Variants in ADGRL2 observed in about 807,000 individuals in gnomAD.
ADGRL2 encodes adhesion G protein-coupled receptor L2.
Under a neutral mutation model 157.4 loss-of-function variants are expected in ADGRL2, and 44 were observed. The ratio of observed to expected loss-of-function variants is 0.28; its 90% confidence interval spans 0.22 to 0.36. The LOEUF (loss-of-function observed/expected upper bound fraction) is 0.36, where lower values mean the gene tolerates loss of function less well. Among genes scored for constraint, ADGRL2 ranks in the 10% least tolerant of loss-of-function variants. The probability of loss-of-function intolerance (pLI) is 1.00; values close to 1 mark genes in which losing one functional copy is unlikely to be tolerated. For synonymous variants in ADGRL2, 585 were observed against 624.7 expected (o/e 0.94, Z 0.95); for missense variants, 1,510 against 1,768.9 (o/e 0.85, Z 2.63).
chr1:81,463,322 T>G (rs890037363), intron 2 of ADGRL2, among the ~76,000 whole-genome samples: 1 of 151,836 alleles, frequency 6.6e-6, no homozygotes, highest in Non-Finnish European at 1.5e-5. Context: ...TAGACATAAA[T>G]TTTTTGACAT....
intron 1 of ADGRL2, among the ~76,000 whole-genome samples, chr1:81,829,174 A>G (rs1349673468): frequency 2.0e-5 from 3 of 152,152 alleles, no homozygotes; most frequent in Admixed American, 1.3e-4. Context: ...GGCCTCCCAA[A>G]GTGCTGAGAT....
chr1:81,636,338 TTAA>T (rs1352885820), intron 3 of ADGRL2, among the ~76,000 whole-genome samples: 2 of 152,198 alleles, frequency 1.3e-5, no homozygotes, highest in Non-Finnish European at 2.9e-5. Flanking sequence ...CATTTACTTT[TTAA>T]TAATTAAATT....
At position 81,789,755 on chromosome 1, in the gene ADGRL2, C is replaced by T. The variant is rs572586832; in HGVS notation, c.-101+27903C>T. Among the ~76,000 whole-genome samples the T allele has an allele frequency of 9.4e-5, 13 of 138,740 alleles. No homozygotes were observed. In the East Asian group the frequency reaches 2.5e-3, roughly 27 times the overall value. The allele number at this position is 138,740 out of a possible 152,430, so 91.0% of individuals were successfully genotyped here. A position where few individuals can be genotyped will look rare whatever the true frequency, so the allele number is the denominator to read the frequency against. On this transcript the variant is annotated intron_variant, in intron 2 of 20. Coordinates refer to the ADGRL2 transcript ENST00000359929. ...AAACAGGAATGTAAACAAAAAGAAA[C>T]AGCATTTCAGGTGTCAGCAAAAAAT...
At chr1:81,849,397 A>C (rs1013839076) in intron 2 of ADGRL2, among the ~76,000 whole-genome samples, 2 of 151,934 alleles carry the variant, frequency 1.3e-5, no homozygotes, top group African/African-American at 4.8e-5. Flanking sequence ...GCAGCTGACT[A>C]TTTGAATTAA....
chr1:81,317,528 G>A (rs1242212243), intron 1 of ADGRL2, among the ~76,000 whole-genome samples: 1 of 152,138 alleles, frequency 6.6e-6, no homozygotes, highest in Non-Finnish European at 1.5e-5. Flanking sequence ...GTTGTATGTT[G>A]TATCACTAAC....
chr1:81,675,919 G>T (rs1414353860), intron 3 of ADGRL2, among the ~76,000 whole-genome samples: 2 of 151,988 alleles, frequency 1.3e-5, no homozygotes, highest in Non-Finnish European at 2.9e-5. Flanking sequence ...GCAAAATGAA[G>T]GTTTTAAATT....
intron 1 of ADGRL2, among the ~76,000 whole-genome samples, chr1:81,343,799 A>G (rs989001450): frequency 2.6e-5 from 4 of 152,134 alleles, no homozygotes; most frequent in Non-Finnish European, 5.9e-5. Flanking sequence ...ACTAAATCCA[A>G]TTGCTGGGGC....
intron 1 of ADGRL2, among the ~76,000 whole-genome samples, chr1:81,806,507 G>A (rs184817297): frequency 3.3e-5 from 5 of 151,984 alleles, no homozygotes; most frequent in African/African-American, 9.6e-5. Context: ...TTAAAATAGC[G>A]TTTTAGTATC....
At chr1:81,600,688 G>A (rs1032635295) in intron 3 of ADGRL2, among the ~76,000 whole-genome samples, 2 of 152,172 alleles carry the variant, frequency 1.3e-5, no homozygotes, top group African/African-American at 4.8e-5. Flanking sequence ...GGTAGAATGA[G>A]AGATAAAACA....
intron 1 of ADGRL2, chr1:81,426,782 C>G: frequency 2.1e-6 from 1 of 465,826 alleles, no homozygotes; most frequent in Non-Finnish European, 4.1e-6. Flanking sequence ...CCAAAGATAA[C>G]TCTTTCTAGA....
chr1:81,616,807 G>C (rs2081663838), intron 3 of ADGRL2, among the ~76,000 whole-genome samples: 1 of 151,374 alleles, frequency 6.6e-6, no homozygotes. Context: ...CTAGCAAGTA[G>C]CTGGGACCAC....
chr1:81,896,051 A>T (rs2094381714), intron 2 of ADGRL2, among the ~76,000 whole-genome samples: 1 of 152,322 alleles, frequency 6.6e-6, no homozygotes, highest in East Asian at 1.9e-4. Context: ...AATTAATGAA[A>T]TTTCTAATAA....
chr1:81,652,799 C>A (rs17106869), intron 3 of ADGRL2, among the ~76,000 whole-genome samples: 18,798 of 152,158 alleles, frequency 0.12, 1,244 homozygotes, highest in Middle Eastern at 0.21. Context: ...AATCAAAGCC[C>A]TCTCCCTCTC....
chr1:81,614,669 G>A (rs981187333), intron 3 of ADGRL2, among the ~76,000 whole-genome samples: 3 of 152,012 alleles, frequency 2.0e-5, no homozygotes, highest in Non-Finnish European at 4.4e-5. Flanking sequence ...GCTCATGGGC[G>A]TATTGGAATG....
intron 2 of ADGRL2, among the ~76,000 whole-genome samples, chr1:81,576,560 G>A (rs776642450): frequency 1.3e-5 from 2 of 152,030 alleles, no homozygotes; most frequent in East Asian, 1.9e-4. Flanking sequence ...CTGGGTTACC[G>A]GGTGTGCAGC....
chr1:81,982,874 T>C (rs1220548115), intron 19 of ADGRL2, among the ~76,000 whole-genome samples: 1 of 151,968 alleles, frequency 6.6e-6, no homozygotes, highest in Non-Finnish European at 1.5e-5. Flanking sequence ...TAAAATACCA[T>C]TTTGATTGCC....
At chr1:81,681,641 G>T (rs2083116209) in intron 3 of ADGRL2, among the ~76,000 whole-genome samples, 1 of 152,196 alleles carries the variant, frequency 6.6e-6, no homozygotes, top group Admixed American at 6.5e-5. Flanking sequence ...TTTCTGGAAT[G>T]CAGCTGTGTA....
At position 81,808,047 on chromosome 1, in the gene ADGRL2, G is replaced by A. The variant is rs937991711; in HGVS notation, c.-101+6979G>A. ...AGTAGATGGAATAAAGGAACCAAGC[G>A]CTTAACATCTGCAAGTAAAGTGCAG... On this transcript the variant is annotated intron_variant, in intron 1 of 23. Coordinates refer to ENST00000686636, the MANE Select transcript of ADGRL2 (RefSeq NM_001366006.2). 7.9e-5 allele frequency among the ~76,000 whole-genome samples: 12 copies of A among 151,862 alleles called. No individual in the cohort carries two copies. In the East Asian group the frequency reaches 1.5e-3, roughly 20 times the overall value.
chr1:81,307,425 AAC>A (rs1659421312), intron 1 of ADGRL2, among the ~76,000 whole-genome samples: 1 of 152,172 alleles, frequency 6.6e-6, no homozygotes, highest in Non-Finnish European at 1.5e-5. Flanking sequence ...GAAATGTCAT[AAC>A]ATTATAGACT....
Sources: gnomAD v4.1 joint callset for allele counts (sites outside exome capture counted in the v4.1 genomes callset) on GRCh38, gnomAD v4.1.1 for gene constraint, MANE v1.5 for transcripts, NCBI Gene and HGNC (gene_info 2026-07-23, HGNC 2026-07-21) for gene names.